The following ZNF518B variants were observed in gnomAD, a reference collection of about 807,000 sequenced individuals.
ZNF518B encodes zinc finger protein 518B.
A neutral mutation model predicts 56.3 loss-of-function variants in ZNF518B; 23 were observed. That is an observed-to-expected ratio of 0.41 (90% CI 0.29 to 0.58). ZNF518B has a LOEUF of 0.58. ZNF518B is among the 20% of genes least tolerant of loss of function. The pLI is 0.32. For missense variants in ZNF518B, 1,460 were observed against 1,272.1 expected (o/e 1.15, Z -2.25); for synonymous variants, 529 against 465.9 (o/e 1.14, Z -1.74).
chr4:10,446,121 A>G lies in ZNF518B; in HGVS notation c.208T>C (p.Ser70Pro). 1 of 1,614,192 alleles carries G rather than the reference A, an allele frequency of 6.2e-7. No individual in the cohort carries two copies. Among genetic ancestry groups the G allele is most frequent in the Non-Finnish European group, 8.5e-7 (1 of 1,180,032 alleles). ...CAKCKSVHKI[S>P]LQDLQKGTGK... is the part of the protein sequence containing the mutation. ...GTACCCTTCTGCAAATCTTGAAGAG[A>G]GATCTTGTGAACACTTTTGCACTTT... The change falls in exon 3 of 3, where the codon TCT (serine) becomes CCT (proline). Residue 70 changes from serine to proline, a missense_variant. Coordinates refer to ENST00000326756, the MANE Select transcript of ZNF518B (RefSeq NM_053042.3).
Position 10,442,454 on chromosome 4 carries a change from T to TAACA in ZNF518B, c.*646_*649dup, listed in dbSNP as rs1714724247. ...GTATTTGAAAATGTTATCTTTCTTC[T>TAACA]AACACTTGCTGTGAAAGGAGTAAAT... is the stretch of plus-strand genomic sequence containing the variant. On this transcript the variant is annotated 3_prime_UTR_variant, in exon 3 of 3. Transcript: ENST00000326756. The TAACA allele has an allele frequency of 6.6e-6, 1 of 152,244 alleles. No homozygotes were observed. Among genetic ancestry groups the TAACA allele is most frequent in the Non-Finnish European group, 1.5e-5 (1 of 68,044 alleles). 9.4% of individuals were successfully genotyped at this position (152,244 alleles called of 1,614,324 possible).
At chr4:10,456,341 G>C (rs1715525439) in intron 1 of ZNF518B, among the ~76,000 whole-genome samples, 1 of 152,128 alleles carries the variant, frequency 6.6e-6, no homozygotes, top group Non-Finnish European at 1.5e-5. Context: ...TTCTGGTTAA[G>C]AAACTTTCAT....
In ZNF518B at chr4:10,444,131, A is replaced by G. The variant is rs1235483872; in HGVS notation, c.2198T>C (p.Ile733Thr). 6.2e-7 allele frequency: 1 copy of G among 1,614,122 alleles called. No homozygotes were observed. Among genetic ancestry groups the G allele is most frequent in the African/African-American group, 1.3e-5 (1 of 74,946 alleles). Residue 733 changes from isoleucine to threonine, a missense_variant, in exon 3 of 3, where the codon ATT (isoleucine) becomes ACT (threonine). Coordinates refer to ENST00000326756, the MANE Select transcript of ZNF518B (RefSeq NM_053042.3). ...TLQKPPNDGG[I>T]TGNRQLTHQQ... ...ATGAGTAAGCTGTCTATTACCAGTA[A>G]TACCACCATCATTCGGAGGTTTCTG...
chr4:10,457,527 A>G (rs1376758067), upstream of ZNF518B: 9 of 152,232 alleles, frequency 5.9e-5, no homozygotes, highest in Admixed American at 3.3e-4. Flanking sequence ...CGGGCTTCTA[A>G]GCTGTCCAGA....
intron 2 of ZNF518B, chr4:10,450,749 TTAC>T (rs1206404447): frequency 6.6e-6 from 1 of 152,088 alleles, no homozygotes; most frequent in Non-Finnish European, 1.5e-5. Context: ...ACTCAATAAA[TTAC>T]TATTAACAGC....
Position 10,444,626 on chromosome 4 carries a change from G to C in ZNF518B, c.1703C>G (p.Ser568Cys), listed in dbSNP as rs1226876708. ...CTGGTTATCTTCCTGCTTCCTATTA[G>C]AGGAAACCACTTTTACAGGAATATT... ...KVNIPVKVVS[S>C]NRKQEDNQTE... Residue 568 changes from serine (S) to cysteine (C), a missense_variant, in exon 3 of 3, where the codon TCT becomes TGT. Physicochemically the swap from Ser to Cys is moderately radical, Grantham distance 112. Coordinates refer to ENST00000326756, the MANE Select transcript of ZNF518B (RefSeq NM_053042.3). 2.5e-6 allele frequency: 4 copies of C among 1,614,156 alleles called. No homozygotes were observed. The highest frequency in any genetic ancestry group is 1.7e-5 in the Admixed American group (1 of 60,026).
At chr4:10,447,570 G>A (rs908249383) in intron 2 of ZNF518B, among the ~76,000 whole-genome samples, 18 of 151,960 alleles carry the variant, frequency 1.2e-4, no homozygotes, top group African/African-American at 2.7e-4. Flanking sequence ...AGGAGATCAC[G>A]GATGGCCTGG....
intron 2 of ZNF518B, among the ~76,000 whole-genome samples, chr4:10,448,454 C>G (rs1715164065): frequency 6.6e-6 from 1 of 152,150 alleles, no homozygotes; most frequent in South Asian, 2.1e-4. Flanking sequence ...CTTTGGAAAG[C>G]ACCAAAATAA....
upstream of ZNF518B, among the ~76,000 whole-genome samples, chr4:10,460,863 C>T (rs1715723228): frequency 6.6e-6 from 1 of 152,228 alleles, no homozygotes; most frequent in Non-Finnish European, 1.5e-5. Context: ...CAGGTCAGAG[C>T]ACAGACATGT....
In ZNF518B at chr4:10,445,641, G is replaced by T. The variant is rs774003490; in HGVS notation, c.688C>A (p.Pro230Thr). ...TGTTTTGAAGTTCCGGTTCTTTTTGGCTCCAGCTTGGCAACAGCTTTGACT... is the reference window on the plus strand; with the variant it reads ...TGTTTTGAAGTTCCGGTTCTTTTTGTCTCCAGCTTGGCAACAGCTTTGACT... Reference protein sequence around the residue: ...RPVKAVAKLEPKRTGTSKQNP... With the variant: ...RPVKAVAKLETKRTGTSKQNP... The change falls in exon 3 of 3, where the codon CCA becomes ACA. Residue 230 changes from proline (P) to threonine (T), a missense_variant. Coordinates refer to ENST00000326756, the MANE Select transcript of ZNF518B (RefSeq NM_053042.3). 6.2e-7 allele frequency: 1 copy of T among 1,614,012 alleles called. No individual in the cohort carries two copies. Among genetic ancestry groups the T allele is most frequent in the Non-Finnish European group, 8.5e-7 (1 of 1,179,996 alleles).
At chr4:10,449,362 C>T (rs1309172416) in intron 2 of ZNF518B, among the ~76,000 whole-genome samples, 1 of 152,216 alleles carries the variant, frequency 6.6e-6, no homozygotes, top group African/African-American at 2.4e-5. Context: ...AAATTACTGG[C>T]TGAAGCTTCT....
chr4:10,444,499 C>T lies in ZNF518B; in HGVS notation c.1830G>A (p.Gln610=). 1 of 1,614,158 alleles carries T rather than the reference C, an allele frequency of 6.2e-7. No individual in the cohort carries two copies. The highest frequency in any genetic ancestry group is 8.5e-7 in the Non-Finnish European group (1 of 1,180,032). The stretch of plus-strand genomic sequence containing the variant: ...TTAATTCCAAAGGCTTATCCCCAGG[C>T]TGTTGAGATCTATCTTCTCCAGTTA... ...INITGEDRSQ[Q]PGDKPLELKN... is the part of the protein sequence containing the mutation. Residue 610 remains glutamine (Q), a synonymous_variant, in exon 3 of 3, where the codon CAG becomes CAA. Transcript: ENST00000326756.
At chr4:10,453,514 A>C (rs1231575595) in intron 2 of ZNF518B, 1 of 152,186 alleles carries the variant, frequency 6.6e-6, no homozygotes, top group Non-Finnish European at 1.5e-5. Context: ...TAAGAAAAAA[A>C]TATTTGTAAA....
Position 10,456,933 on chromosome 4 carries a change from C to G in ZNF518B, c.-396+384G>C, listed in dbSNP as rs1337087688. Among the ~76,000 whole-genome samples the G allele has an allele frequency of 4.6e-5, 7 of 151,178 alleles. 1 individual carries two copies. Among genetic ancestry groups the G allele is most frequent in the Admixed American group, 4.6e-4 (7 of 15,140 alleles). ...GCCACACGAACGGCCCCGCGGGACG[C>G]TGCCACCCCCGCCTCGGTCGCCCCG... On this transcript the variant is annotated intron_variant, in intron 1 of 2. Transcript: ENST00000326756.
chr4:10,453,734 C>A (rs1321365179), intron 2 of ZNF518B: 2 of 152,128 alleles, frequency 1.3e-5, no homozygotes, highest in African/African-American at 4.8e-5. Context: ...TTTCACATTT[C>A]TTTTTTGCCT....
rs1158902628 is a variant in ZNF518B at position 10,444,845 on chromosome 4, A to G, written c.1484T>C (p.Leu495Ser). ...GTTTGATGCAGCTCCAAGACTACGT[A>G]AAACACTGTTTTTAAATACAGATGC... ...SLASVFKNSV[L>S]RSLGAASNPF... The change falls in exon 3 of 3, where the codon TTA becomes TCA. Residue 495 changes from leucine to serine, a missense_variant. Physicochemically the swap from Leu to Ser is moderately radical, Grantham distance 145. Coordinates refer to ENST00000326756, the MANE Select transcript of ZNF518B (RefSeq NM_053042.3). 6.8e-6 allele frequency: 11 copies of G among 1,613,948 alleles called. No individual in the cohort carries two copies. The highest frequency in any genetic ancestry group is 9.3e-6 in the Non-Finnish European group (11 of 1,179,978).
chr4:10,455,789 G>C (rs190733104), intron 1 of ZNF518B, among the ~76,000 whole-genome samples: 1 of 152,238 alleles, frequency 6.6e-6, no homozygotes, highest in East Asian at 1.9e-4. Flanking sequence ...TATTTTTGAA[G>C]GCTAAATTTG....
In ZNF518B at chr4:10,444,113, A is replaced by C; in HGVS notation, c.2216T>G (p.Leu739Arg). Reference sequence around the variant, plus strand: ...GTGTGGATATATTTGTTGATGAGTAAGCTGTCTATTACCAGTAATACCACC... The same window carrying C: ...GTGTGGATATATTTGTTGATGAGTACGCTGTCTATTACCAGTAATACCACC... ...NDGGITGNRQ[L>R]THQQIYPHFA... The change falls in exon 3 of 3, where the codon CTT (leucine) becomes CGT (arginine). Residue 739 changes from leucine to arginine, a missense_variant. Coordinates refer to ENST00000326756, the MANE Select transcript of ZNF518B (RefSeq NM_053042.3). 1 of 1,614,240 alleles carries C rather than the reference A, an allele frequency of 6.2e-7. No individual in the cohort carries two copies. The highest frequency in any genetic ancestry group is 8.5e-7 in the Non-Finnish European group (1 of 1,180,040).
intron 2 of ZNF518B, among the ~76,000 whole-genome samples, chr4:10,448,521 C>T (rs1460901033): frequency 6.6e-6 from 1 of 152,126 alleles, no homozygotes. Flanking sequence ...TTTTCCTACT[C>T]TACTTTTGCG....
Sources: allele counts gnomAD v4.1 joint callset (sites outside exome capture counted in the v4.1 genomes callset), GRCh38; gene constraint gnomAD v4.1.1; transcripts MANE v1.5; gene names NCBI Gene and HGNC (gene_info 2026-07-23, HGNC 2026-07-21).